LINGO2: variants seen among roughly 807,000 people sequenced by gnomAD.
The protein encoded by LINGO2 is leucine-rich repeat and immunoglobulin-like domain-containing nogo receptor-interacting protein 2.
A neutral mutation model predicts 30.6 loss-of-function variants in LINGO2; 14 were observed. The ratio of observed to expected loss-of-function variants is 0.46; its 90% CI spans 0.30 to 0.72. The LOEUF (loss-of-function observed/expected upper bound fraction) is 0.72. Ranked by LOEUF, LINGO2 falls within the 30% of genes least tolerant of loss-of-function variation. The pLI is 0.07. For missense variants in LINGO2, 729 were observed against 751.7 expected, an observed-to-expected ratio of 0.97 and a Z score of 0.35; for synonymous variants, 317 against 288.5, an observed-to-expected ratio of 1.10 and a Z score of -1.00.
At chr9:27,981,347 A>G (rs1820843708) in intron 5 of LINGO2, among the ~76,000 whole-genome samples, 1 of 151,488 alleles carries the variant, frequency 6.6e-6, no homozygotes, top group Non-Finnish European at 1.5e-5. Context: ...CAGCTAGGTA[A>G]CTTTCCCCTT....
At chr9:28,323,204 C>A (rs932666414) in intron 3 of LINGO2, among the ~76,000 whole-genome samples, 4 of 152,162 alleles carry the variant, frequency 2.6e-5, no homozygotes, top group Admixed American at 2.6e-4. Flanking sequence ...TCAAAAAATT[C>A]ACAGTTTAAA....
At chr9:28,992,696 C>T in the LINGO2 span, among the ~76,000 whole-genome samples, 1 of 152,074 alleles carries the variant, frequency 6.6e-6, no homozygotes, top group Non-Finnish European at 1.5e-5. Context: ...AACTAGAACT[C>T]AGGATTAAGA....
At chr9:28,365,576 G>A (rs1411535403) in intron 3 of LINGO2, among the ~76,000 whole-genome samples, 1 of 104,546 alleles carries the variant, frequency 9.6e-6, no homozygotes, top group Non-Finnish European at 1.9e-5. Flanking sequence ...TAGCAAGTGA[G>A]TAGGCAGTTA....
the LINGO2 span, among the ~76,000 whole-genome samples, chr9:29,149,528 A>G: frequency 6.6e-6 from 1 of 151,822 alleles, no homozygotes; most frequent in South Asian, 2.1e-4. Context: ...GAGAATGACG[A>G]GGGAGAAAGT....
chr9:28,051,215 GTA>G (rs1238121674), intron 4 of LINGO2, among the ~76,000 whole-genome samples: 2 of 141,120 alleles, frequency 1.4e-5, no homozygotes, highest in Non-Finnish European at 3.1e-5. Context: ...CCATCAGCTA[GTA>G]TAGTTTTCTC....
intron 5 of LINGO2, among the ~76,000 whole-genome samples, chr9:27,951,917 AAATAAC>A (rs1278729261): frequency 6.6e-6 from 1 of 152,168 alleles, no homozygotes; most frequent in Non-Finnish European, 1.5e-5. Flanking sequence ...TATGAATAAA[AAATAAC>A]AAGTAGGATC....
chr9:29,005,949 C>G, the LINGO2 span, among the ~76,000 whole-genome samples: 1 of 151,774 alleles, frequency 6.6e-6, no homozygotes, highest in East Asian at 1.9e-4. Flanking sequence ...GATACGAGAC[C>G]AATGGATAGG....
At chr9:28,868,367 T>C in the LINGO2 span, among the ~76,000 whole-genome samples, 3 of 152,100 alleles carry the variant, frequency 2.0e-5, no homozygotes, top group Admixed American at 2.0e-4. Context: ...CCTCTACATT[T>C]ACTCAGAGAC....
At chr9:28,287,465 C>T (rs1458952393) in intron 4 of LINGO2, among the ~76,000 whole-genome samples, 1 of 152,200 alleles carries the variant, frequency 6.6e-6, no homozygotes, top group East Asian at 1.9e-4. Flanking sequence ...CTATTATTTT[C>T]ACCACACATG....
chr9:28,038,494 C>G (rs913129591), intron 4 of LINGO2, among the ~76,000 whole-genome samples: 5 of 152,016 alleles, frequency 3.3e-5, no homozygotes, highest in South Asian at 2.1e-4. Flanking sequence ...GAGATCGAGA[C>G]CATCCCGGCT....
chr9:28,758,442 A>G, the LINGO2 span, among the ~76,000 whole-genome samples: 21 of 152,106 alleles, frequency 1.4e-4, no homozygotes, highest in African/African-American at 4.8e-4. Flanking sequence ...GACTTGTGAA[A>G]AAAAGTTCCT....
chr9:29,168,743 G>A, the LINGO2 span, among the ~76,000 whole-genome samples: 1 of 152,164 alleles, frequency 6.6e-6, no homozygotes, highest in African/African-American at 2.4e-5. Context: ...GATCCCAGAT[G>A]ACACTGATAA....
intron 1 of LINGO2, among the ~76,000 whole-genome samples, chr9:28,574,605 G>A (rs1468537305): frequency 6.6e-6 from 1 of 152,032 alleles, no homozygotes; most frequent in African/African-American, 2.4e-5. Context: ...ACTATGAAGA[G>A]GACTCTATAT....
At chr9:28,320,073 G>A (rs1824984538) in intron 3 of LINGO2, among the ~76,000 whole-genome samples, 1 of 151,964 alleles carries the variant, frequency 6.6e-6, no homozygotes, top group Non-Finnish European at 1.5e-5. Flanking sequence ...GAATATTTTA[G>A]TGTGCAAAAT....
chr9:28,398,206 T>A (rs955126754), intron 2 of LINGO2, among the ~76,000 whole-genome samples: 20 of 152,274 alleles, frequency 1.3e-4, no homozygotes, highest in Admixed American at 7.2e-4. Flanking sequence ...CTAAGGTGGA[T>A]TACAGCATCA....
chr9:28,437,004 C>A (rs1337695303), intron 2 of LINGO2, among the ~76,000 whole-genome samples: 1 of 152,116 alleles, frequency 6.6e-6, no homozygotes, highest in Non-Finnish European at 1.5e-5. Context: ...GGTTCAAATA[C>A]CTCAATGTGA....
the LINGO2 span, among the ~76,000 whole-genome samples, chr9:29,160,742 A>G: frequency 2.6e-4 from 39 of 152,350 alleles, no homozygotes; most frequent in African/African-American, 8.9e-4. Flanking sequence ...AAATGTTGAT[A>G]GTTTTATAAC....
chr9:28,773,755 T>C, the LINGO2 span, among the ~76,000 whole-genome samples: 1 of 152,146 alleles, frequency 6.6e-6, no homozygotes, highest in Admixed American at 6.6e-5. Context: ...GAGAGCAGGC[T>C]TGTGGAAAGG....
chr9:28,327,400 A>G (rs1825269089), intron 3 of LINGO2, among the ~76,000 whole-genome samples: 1 of 152,186 alleles, frequency 6.6e-6, no homozygotes. Context: ...AACCACTGGC[A>G]ATGCATTTCT....
Sources: gnomAD v4.1 joint callset for allele counts (sites outside exome capture counted in the v4.1 genomes callset) on GRCh38, gnomAD v4.1.1 for gene constraint, MANE v1.5 for transcripts, NCBI Gene and HGNC (gene_info 2026-07-23, HGNC 2026-07-21) for gene names.